The following ITGA7 variants were observed in gnomAD, a reference collection of about 807,000 sequenced individuals.
ITGA7 encodes the protein integrin subunit alpha 7.
ITGA7 carries 84 observed loss-of-function variants against 131.6 expected under a neutral mutation model. The observed-to-expected ratio is 0.64, with a 90% CI of 0.54 to 0.77. The LOEUF is 0.77. ITGA7 is among the 30% of genes least tolerant of loss of function. ITGA7 has a pLI of 0.00. For synonymous variants in ITGA7, 548 were observed against 600.7 expected (o/e 0.91, Z 1.28); for missense variants, 1,399 against 1,482.9 (o/e 0.94, Z 0.93).
chr12:55,695,490 C>T (rs1488429969), intron 14 of ITGA7, 32 bp downstream of exon 14: 1 of 1,006,358 alleles, frequency 9.9e-7, no homozygotes, highest in Non-Finnish European at 1.6e-6. Context: ...CTCTTGCCCT[C>T]CCACCCCCAC....
rs963237116 is a variant in ITGA7, at chr12:55,696,913, T to C, written c.1723A>G (p.Met575Val). The C allele has an allele frequency of 3.1e-6, 5 of 1,614,170 alleles. No homozygotes were observed. Among genetic ancestry groups the C allele is most frequent in the African/African-American group, 2.7e-5 (2 of 75,048 alleles). ...HQHDRVCGDA[M>V]FQLQENVKDK... Reference sequence around the variant, plus strand: ...TCAGTGTCCACCTGGAGCTGGAACATGGCGTCTCCACAGACTCGGTCATGC... The same window carrying C: ...TCAGTGTCCACCTGGAGCTGGAACACGGCGTCTCCACAGACTCGGTCATGC... The change falls in exon 12 of 25, where the codon ATG becomes GTG. Residue 575 changes from methionine to valine, a missense_variant. Coordinates refer to ENST00000257879, the MANE Select transcript of ITGA7 (RefSeq NM_002206.3).
upstream of ITGA7, chr12:55,715,847 T>G: frequency 2.3e-5 from 14 of 612,644 alleles, no homozygotes; most frequent in East Asian, 3.4e-5. Flanking sequence ...CCTCGAAGCC[T>G]GAGATCCACA....
upstream of ITGA7, chr12:55,712,319 C>T: frequency 7.4e-7 from 1 of 1,348,534 alleles, no homozygotes; most frequent in Non-Finnish European, 1.0e-6. Flanking sequence ...TTCAGGCCAA[C>T]ATTTGGAACT....
rs1276867580 is a variant in ITGA7, at chr12:55,700,991, T to C, written c.578A>G (p.Gln193Arg). ...TGTGCCCTGCTGGCAGAACCCAAAT[T>C]GTTCATGGCCTTGGGGGCGTCCCTC... Reference protein sequence around the residue: ...FCEGRPQGHEQFGFCQQGTAA... With the variant: ...FCEGRPQGHERFGFCQQGTAA... Residue 193 changes from glutamine to arginine, a missense_variant, in exon 4 of 25, where the codon CAA (glutamine) becomes CGA (arginine). Coordinates refer to ENST00000257879, the MANE Select transcript of ITGA7 (RefSeq NM_002206.3). The C allele has an allele frequency of 1.2e-6, 2 of 1,614,208 alleles. No individual in the cohort carries two copies. Among genetic ancestry groups the C allele is most frequent in the Non-Finnish European group, 1.7e-6 (2 of 1,180,030 alleles).
At chr12:55,686,946 T>C (rs1870287629) in intron 24 of ITGA7, among the ~76,000 whole-genome samples, 1 of 152,122 alleles carries the variant, frequency 6.6e-6, no homozygotes, top group Non-Finnish European at 1.5e-5. Context: ...CCTACCATGG[T>C]CCTGCTGGAC....
chr12:55,701,059 CA>C lies in ITGA7; in HGVS notation c.509del (p.Leu170ArgfsTer59). The C allele has an allele frequency of 6.2e-7, 1 of 1,614,236 alleles. No homozygotes were observed. Among genetic ancestry groups the C allele is most frequent in the Non-Finnish European group, 8.5e-7 (1 of 1,180,046 alleles). On this transcript the variant is annotated frameshift_variant, in exon 4 of 25. Coordinates refer to ENST00000257879, the MANE Select transcript of ITGA7 (RefSeq NM_002206.3). LOFTEE classifies it high-confidence loss of function. The stretch of plus-strand genomic sequence containing the variant: ...CACCATCCAACTCATCCCGGATGGC[CA>C]GGTCCTGGCTGAGCACAAAGCAGCG... ...IGRCFVLSQDLAIRDELDGGE... is the reference protein window; with the variant it reads ...IGRCFVLSQDXAIRDELDGGE...
At chr12:55,714,867 T>A (rs1424487565), upstream of ITGA7, among the ~76,000 whole-genome samples, 1 of 145,094 alleles carries the variant, frequency 6.9e-6, no homozygotes, top group East Asian at 2.0e-4. Context: ...AGGCTTTTTT[T>A]TTTTTTTTTT....
rs755674131 is a variant in ITGA7, at chr12:55,694,795, G to A, written c.2179C>T (p.Arg727Trp). 30 of 1,613,308 alleles carry A rather than the reference G, an allele frequency of 1.9e-5. No homozygotes were observed. Among genetic ancestry groups the A allele is most frequent in the South Asian group, 3.3e-5 (3 of 91,024 alleles). The change falls in exon 15 of 25, where the codon CGG becomes TGG. Residue 727 changes from arginine (R) to tryptophan (W), a missense_variant. Physicochemically the swap from Arg to Trp is moderately radical, Grantham distance 101 (BLOSUM62 -3). Transcript: ENST00000257879. This position sits in a 1 kb window ranked among gnomAD's most constrained non-coding sequence, Gnocchi z 5.3. Reference protein sequence around the residue: ...LPDSLHYSGVRALDPAEKPLC... With the variant: ...LPDSLHYSGVWALDPAEKPLC... Reference sequence around the variant, plus strand: ...GTCCTCACCGCAGGGTCCAGGGCCCGGACCCCTGAGTAGTGCAGTGAGTCA... The same window carrying A: ...GTCCTCACCGCAGGGTCCAGGGCCCAGACCCCTGAGTAGTGCAGTGAGTCA...
Position 55,698,064 on chromosome 12 carries a change from G to T in ITGA7, c.1193-38C>A, listed in dbSNP as rs540993993. ...GGGAAAAGGCAGTCACGCTGGCTGG[G>T]GGCCTTGCAGACAAGATCCAGGCCT... On this transcript the variant is annotated intron_variant, in intron 7 of 24. Coordinates refer to ENST00000257879, the MANE Select transcript of ITGA7 (RefSeq NM_002206.3). 6.9e-6 allele frequency: 11 copies of T among 1,589,794 alleles called. No individual in the cohort carries two copies. The East Asian group carries it at 2.2e-4, about 32-fold the overall frequency.
At chr12:55,702,330 G>A (rs1226497398) in intron 3 of ITGA7, among the ~76,000 whole-genome samples, 4 of 152,142 alleles carry the variant, frequency 2.6e-5, no homozygotes, top group Non-Finnish European at 4.4e-5. Context: ...ACAGGCGCCC[G>A]CCACCACGCC....
chr12:55,688,442 G>T, intron 22 of ITGA7, 142 bp from the exon 23 acceptor site: 1 of 757,000 alleles, frequency 1.3e-6, no homozygotes. Context: ...TGCTGCGTTT[G>T]GGCTGGGCAC....
intron 19 of ITGA7, 65 bp downstream of exon 19, chr12:55,693,956 C>T: frequency 7.6e-7 from 1 of 1,321,514 alleles, no homozygotes. Flanking sequence ...GGGGACACAG[C>T]TCAGCCTCTC....
chr12:55,694,150 T>A lies in ITGA7; in HGVS notation c.2433-27A>T. ...TGGCGTGGAGAGGTCAGAACAGGGGTGAGAAGGTCTGGGGCCTGGCTCAAT... is the reference window on the plus strand; with the variant it reads ...TGGCGTGGAGAGGTCAGAACAGGGGAGAGAAGGTCTGGGGCCTGGCTCAAT... On this transcript the variant is annotated intron_variant, in intron 18 of 24. Coordinates refer to ENST00000257879, the MANE Select transcript of ITGA7 (RefSeq NM_002206.3). This position sits in a 1 kb window ranked among gnomAD's most constrained non-coding sequence, Gnocchi z 5.3. The A allele has an allele frequency of 6.2e-7, 1 of 1,611,808 alleles. No homozygotes were observed. The highest frequency in any genetic ancestry group is 8.5e-7 in the Non-Finnish European group (1 of 1,178,018).
chr12:55,700,617 G>C, intron 4 of ITGA7: 1 of 635,472 alleles, frequency 1.6e-6, no homozygotes, highest in South Asian at 2.0e-5. Flanking sequence ...TGGCAGTGAT[G>C]AGGTGTGGGC....
At position 55,694,936 on chromosome 12, in the gene ITGA7, T is replaced by C; in HGVS notation, c.2038A>G (p.Ser680Gly). 2 of 1,613,796 alleles carry C rather than the reference T, an allele frequency of 1.2e-6. No individual in the cohort carries two copies. Among genetic ancestry groups the C allele is most frequent in the Non-Finnish European group, 1.7e-6 (2 of 1,179,970 alleles). The change falls in exon 15 of 25, where the codon AGT becomes GGT. Residue 680 changes from serine (S) to glycine (G), a missense_variant. Physicochemically the swap from Ser to Gly is moderately conservative, Grantham distance 56 (BLOSUM62 0). Coordinates refer to ENST00000257879, the MANE Select transcript of ITGA7 (RefSeq NM_002206.3). This position sits in a 1 kb window ranked among gnomAD's most constrained non-coding sequence, Gnocchi z 5.3. ...VDGTTALFALSGQPVIGLELM... is the reference protein window; with the variant it reads ...VDGTTALFALGGQPVIGLELM... ...TCCAGGCCAATGACTGGCTGCCCACTCAGTGCAAACAGGGCTGTTGTTCCA... is the reference window on the plus strand; with the variant it reads ...TCCAGGCCAATGACTGGCTGCCCACCCAGTGCAAACAGGGCTGTTGTTCCA...
intron 24 of ITGA7, chr12:55,686,210 C>G: frequency 7.4e-7 from 1 of 1,349,572 alleles, no homozygotes; most frequent in East Asian, 4.6e-5. Flanking sequence ...ACCCCACAGT[C>G]CCTGGACCCC....
intron 24 of ITGA7, 27 bp downstream of exon 24, chr12:55,687,944 C>A (rs758584095): frequency 1.9e-5 from 31 of 1,613,690 alleles, no homozygotes; most frequent in South Asian, 5.5e-5. Context: ...GAAGTCCACC[C>A]CCATCAGCCC....
At chr12:55,703,302 G>T in intron 1 of ITGA7, 124 bp from the exon 2 acceptor site, 2 of 1,090,066 alleles carry the variant, frequency 1.8e-6, no homozygotes, top group Admixed American at 2.7e-5. Flanking sequence ...CTAAAGAGAA[G>T]GGGCAAATGT....
intron 14 of ITGA7, 161 bp from the exon 15 acceptor site, chr12:55,695,131 C>A: frequency 1.5e-6 from 1 of 679,074 alleles, no homozygotes; most frequent in East Asian, 2.7e-5. Flanking sequence ...GTACACACGA[C>A]TGGGAGTCAG....
Sources: gnomAD v4.1 joint callset for allele counts (sites outside exome capture counted in the v4.1 genomes callset) on GRCh38, gnomAD v4.1.1 for gene constraint, Gnocchi (gnomAD v3.1) non-coding constraint, MANE v1.5 for transcripts, NCBI Gene and HGNC (gene_info 2026-07-23, HGNC 2026-07-21) for gene names.